The following MRPS25 variants were observed in gnomAD, a reference collection of about 807,000 sequenced individuals.
MRPS25 encodes the protein small ribosomal subunit protein mS25.
A neutral mutation model predicts 17.3 loss-of-function variants in MRPS25; 15 were observed. That is an observed-to-expected ratio of 0.87 (90% CI 0.58 to 1.34). The LOEUF (loss-of-function observed/expected upper bound fraction) is 1.34. MRPS25 is among the 40% of genes most tolerant of loss of function. MRPS25 has a pLI of 0.00. For missense variants in MRPS25, 225 were observed against 218.6 expected, an observed-to-expected ratio of 1.03 and a Z score of -0.19; for synonymous variants, 94 against 83.3, an observed-to-expected ratio of 1.13 and a Z score of -0.70.
chr3:15,050,088 C>T lies in MRPS25; in HGVS notation c.*2353G>A. On this transcript the variant is annotated 3_prime_UTR_variant, in exon 4 of 4. Coordinates refer to ENST00000253686, the MANE Select transcript of MRPS25 (RefSeq NM_022497.5). Reference sequence around the variant, plus strand: ...TATATTTTAAACCCATCTTTCATCACTACTAAACAAAATAGGGAAAGACAA... The same window carrying T: ...TATATTTTAAACCCATCTTTCATCATTACTAAACAAAATAGGGAAAGACAA... The T allele has an allele frequency of 7.1e-7, 1 of 1,411,740 alleles. No homozygotes were observed. Among genetic ancestry groups the T allele is most frequent in the Non-Finnish European group, 9.1e-7 (1 of 1,096,812 alleles). The allele number at this position is 1,411,740 out of a possible 1,614,324, so 87.5% of individuals were successfully genotyped here. A position where few individuals can be genotyped will look rare whatever the true frequency, so the allele number is the denominator to read the frequency against.
chr3:15,048,284 C>G (rs755362200), downstream of MRPS25: 1 of 152,560 alleles, frequency 6.6e-6, no homozygotes, highest in Non-Finnish European at 1.5e-5. Context: ...CATAGCCTGT[C>G]GTGACAATCA....
Position 15,051,815 on chromosome 3 carries a change from G to A in MRPS25, c.*626C>T. On this transcript the variant is annotated 3_prime_UTR_variant, in exon 4 of 4. Transcript: ENST00000253686. Reference sequence around the variant, plus strand: ...TTGGCAGTGGCTGACTGGTCAGCAGGTACGTGCCTGAGTGAGGCTGGCCTG... The same window carrying A: ...TTGGCAGTGGCTGACTGGTCAGCAGATACGTGCCTGAGTGAGGCTGGCCTG... The A allele has an allele frequency of 5.1e-6, 5 of 985,520 alleles. No homozygotes were observed. Among genetic ancestry groups the A allele is most frequent in the Non-Finnish European group, 6.0e-6 (5 of 830,004 alleles). The allele number at this position is 985,520 out of a possible 1,614,324, so 61.0% of individuals were successfully genotyped here.
At position 15,065,167 on chromosome 3, in the gene MRPS25, G is replaced by A; in HGVS notation, c.28C>T (p.Arg10Cys). The A allele has an allele frequency of 1.2e-6, 2 of 1,606,360 alleles. No individual in the cohort carries two copies. Among genetic ancestry groups the A allele is most frequent in the Non-Finnish European group, 1.7e-6 (2 of 1,176,740 alleles). Residue 10 changes from arginine to cysteine, a missense_variant, in exon 1 of 4, where the codon CGC becomes TGC. Arg to Cys is a radical substitution (Grantham distance 180, BLOSUM62 -3). Transcript: ENST00000253686. ...TGGCTCAGATATTGCAGGGTGCGGCGGATGGGGAAGCGGCCCTTCATGGGC... is the reference window on the plus strand; with the variant it reads ...TGGCTCAGATATTGCAGGGTGCGGCAGATGGGGAAGCGGCCCTTCATGGGC... MPMKGRFPI[R>C]RTLQYLSQGN...
At chr3:15,046,215 A>G (rs1194342780), downstream of MRPS25, 1 of 152,146 alleles carries the variant, frequency 6.6e-6, no homozygotes, top group Non-Finnish European at 1.5e-5. Context: ...TCTGGGCTTT[A>G]TATTTAATTT....
At position 15,052,431 on chromosome 3, in the gene MRPS25, A is replaced by C. The variant is rs1279398869; in HGVS notation, c.*10T>G. The stretch of plus-strand genomic sequence containing the variant: ...GACACCATCACCCCAGCCCACAGTG[A>C]CCGTGGGCCTTAGTCCTGGGCATCG... On this transcript the variant is annotated 3_prime_UTR_variant, in exon 4 of 4. Transcript: ENST00000253686. 8 of 1,608,356 alleles carry C rather than the reference A, an allele frequency of 5.0e-6. No individual in the cohort carries two copies. The highest frequency in any genetic ancestry group is 1.7e-4 in the Middle Eastern group (1 of 6,036).
At position 15,049,815 on chromosome 3, in the gene MRPS25, T is replaced by C. The variant is rs2042576846; in HGVS notation, c.*2626A>G. The C allele has an allele frequency of 3.2e-6, 3 of 946,406 alleles. No individual in the cohort carries two copies. The highest frequency in any genetic ancestry group is 4.8e-6 in the Non-Finnish European group (3 of 619,380). 58.6% of individuals were successfully genotyped at this position (946,406 alleles called of 1,614,324 possible). On this transcript the variant is annotated 3_prime_UTR_variant, in exon 4 of 4. Transcript: ENST00000253686. ...CGTCACCCAGGCTGGAATGCAGTGG[T>C]ACAGTCATGGCTCACTCCAGCCTCA...
At chr3:15,042,537 T>TTA (rs1490814833), downstream of MRPS25, 1 of 274,562 alleles carries the variant, frequency 3.6e-6, no homozygotes, top group Non-Finnish European at 6.8e-6. Context: ...GACTCCTACT[T>TTA]TAGTCTGTCC....
rs765121543 is a variant in MRPS25, at chr3:15,049,134, G to GTGTT, written c.*3303_*3306dup. ...GTCTTGAAGAAGAATTTGCATTGTTGTGTTTGTATATAGAGTATTGCAGTG... is the reference window on the plus strand; with the variant it reads ...GTCTTGAAGAAGAATTTGCATTGTTGTGTTTGTTTGTATATAGAGTATTGCAGTG... On this transcript the variant is annotated 3_prime_UTR_variant, in exon 4 of 4. Coordinates refer to ENST00000253686, the MANE Select transcript of MRPS25 (RefSeq NM_022497.5). 4.6e-5 allele frequency: 7 copies of GTGTT among 152,586 alleles called. No individual in the cohort carries two copies. Among genetic ancestry groups the GTGTT allele is most frequent in the Non-Finnish European group, 7.3e-5 (5 of 68,028 alleles). The allele number at this position is 152,586 out of a possible 1,614,324, so 9.5% of individuals were successfully genotyped here.
rs779403029 is a variant in MRPS25 at position 15,065,159 on chromosome 3, G to C, written c.36C>G (p.Thr12=). 1 of 1,607,868 alleles carries C rather than the reference G, an allele frequency of 6.2e-7. No homozygotes were observed. Among genetic ancestry groups the C allele is most frequent in the East Asian group, 2.2e-5 (1 of 44,502 alleles). ...CGTTCCCCTGGCTCAGATATTGCAG[G>C]GTGCGGCGGATGGGGAAGCGGCCCT... ...PMKGRFPIRR[T]LQYLSQGNVV... is the part of the protein sequence containing the mutation. Residue 12 remains threonine, a synonymous_variant, in exon 1 of 4, where the codon ACC becomes ACG. Transcript: ENST00000253686.
At chr3:15,063,433 C>T (rs1233908945) in intron 1 of MRPS25, among the ~76,000 whole-genome samples, 1 of 152,124 alleles carries the variant, frequency 6.6e-6, no homozygotes, top group African/African-American at 2.4e-5. Flanking sequence ...CCCAGTGGGG[C>T]AGCTGAAGGG....
intron 1 of MRPS25, among the ~76,000 whole-genome samples, chr3:15,061,787 C>T (rs1376969652): frequency 5.3e-5 from 8 of 151,246 alleles, no homozygotes; most frequent in African/African-American, 1.5e-4. Context: ...TTTGCCCCGC[C>T]GCCCCATCTG....
intron 1 of MRPS25, among the ~76,000 whole-genome samples, chr3:15,061,406 C>T (rs988468635): frequency 6.6e-5 from 10 of 152,158 alleles, no homozygotes; most frequent in African/African-American, 7.2e-5. Flanking sequence ...TTGGTGGAGA[C>T]GGGGTTTCGC....
At chr3:15,043,140 C>CT (rs2042330059), downstream of MRPS25, 15 of 757,530 alleles carry the variant, frequency 2.0e-5, no homozygotes, top group South Asian at 5.3e-4. Context: ...TTCTCCTTAT[C>CT]TGTTAATCCC....
At chr3:15,061,353 TTGCAGG>T (rs1575072007) in intron 1 of MRPS25, among the ~76,000 whole-genome samples, 1 of 152,238 alleles carries the variant, frequency 6.6e-6, no homozygotes, top group Admixed American at 6.5e-5. Flanking sequence ...GCGCCTGCGA[TTGCAGG>T]CGCGCGCTGC....
rs1455038961 is a variant in MRPS25 at position 15,050,524 on chromosome 3, T to C, written c.*1917A>G. On this transcript the variant is annotated 3_prime_UTR_variant, in exon 4 of 4. Coordinates refer to ENST00000253686, the MANE Select transcript of MRPS25 (RefSeq NM_022497.5). ...AAGCCAAAAGGAACTAGGTGCTTTC[T>C]GAAGAGCCCTTGCAGCCAAGTAGAA... is the stretch of plus-strand genomic sequence containing the variant. The C allele has an allele frequency of 1.0e-6, 1 of 985,506 alleles. No homozygotes were observed. Among genetic ancestry groups the C allele is most frequent in the African/African-American group, 1.7e-5 (1 of 57,218 alleles). 61.0% of individuals were successfully genotyped at this position (985,506 alleles called of 1,614,324 possible). A position where few individuals can be genotyped will look rare whatever the true frequency, so the allele number is the denominator to read the frequency against.
intron 1 of MRPS25, among the ~76,000 whole-genome samples, chr3:15,063,034 A>G (rs1395156972): frequency 6.6e-6 from 1 of 151,454 alleles, no homozygotes; most frequent in East Asian, 1.9e-4. Context: ...GAAACACCCA[A>G]GAATGATCAA....
At chr3:15,052,922 G>T (rs1421648217) in intron 3 of MRPS25, among the ~76,000 whole-genome samples, 2 of 152,190 alleles carry the variant, frequency 1.3e-5, no homozygotes, top group Admixed American at 1.3e-4. Flanking sequence ...GCAATCACAA[G>T]ATAAAGGAGC....
intron 2 of MRPS25, 151 bp from the exon 3 acceptor site, chr3:15,053,618 C>T: frequency 1.1e-6 from 1 of 874,964 alleles, no homozygotes; most frequent in South Asian, 1.4e-5. Flanking sequence ...TACTACCCTT[C>T]CTTTTTCCAT....
At chr3:15,062,830 C>T (rs36093951) in intron 1 of MRPS25, among the ~76,000 whole-genome samples, 3 of 151,886 alleles carry the variant, frequency 2.0e-5, no homozygotes, top group Middle Eastern at 3.2e-3. Flanking sequence ...GGATTAAGGG[C>T]GGTACAAGAT....
Sources: gnomAD v4.1 joint callset for allele counts (sites outside exome capture counted in the v4.1 genomes callset) on GRCh38, gnomAD v4.1.1 for gene constraint, MANE v1.5 for transcripts, NCBI Gene and HGNC (gene_info 2026-07-23, HGNC 2026-07-21) for gene names.